The following SGPL1 variants were observed in gnomAD, a reference collection of about 807,000 sequenced individuals.
SGPL1 encodes SP-lyase 1.
In SGPL1, 37 loss-of-function variants were observed where a neutral mutation model predicts 68.9. The observed-to-expected ratio is 0.54, with a 90% confidence interval of 0.41 to 0.71. SGPL1 has a LOEUF of 0.71. SGPL1 is among the 30% of genes least tolerant of loss of function. SGPL1 has a pLI of 0.00. For synonymous variants in SGPL1, 236 were observed against 248.5 expected, an observed-to-expected ratio of 0.95 and a Z score of 0.47; for missense variants, 551 against 704.6, an observed-to-expected ratio of 0.78 and a Z score of 2.47.
At chr10:70,820,212 T>C (rs75984275) in intron 2 of SGPL1, 10,653 of 152,260 alleles carry the variant, frequency 0.07, 488 homozygotes, top group African/African-American at 0.1. Flanking sequence ...AGAGAGTAAC[T>C]ACAGCAGTTG....
At chr10:70,818,760 G>A in intron 2 of SGPL1, among the ~76,000 whole-genome samples, 1 of 152,174 alleles carries the variant, frequency 6.6e-6, no homozygotes, top group South Asian at 2.1e-4. Flanking sequence ...ATCTAAAATA[G>A]TATCTTGCCC....
rs1260819786 is a variant in SGPL1, at chr10:70,871,081, A to G, written c.844A>G (p.Met282Val). Residue 282 changes from methionine (M) to valine (V), a missense_variant, in exon 10 of 15, where the codon ATG becomes GTG. Met to Val is a conservative substitution (Grantham distance 21, BLOSUM62 1). Transcript: ENST00000373202. ...MRRAISRNTA[M>V]LVCSTPQFPH... The stretch of plus-strand genomic sequence containing the variant: ...AAGAGCTATCTCCAGGAACACTGCC[A>G]TGCTCGTCTGTTCTACCCCACAGTT... 1.9e-6 allele frequency: 3 copies of G among 1,614,012 alleles called. No individual in the cohort carries two copies. Among genetic ancestry groups the G allele is most frequent in the Non-Finnish European group, 2.5e-6 (3 of 1,179,868 alleles).
At chr10:70,849,685 G>A (rs1220578046) in intron 3 of SGPL1, among the ~76,000 whole-genome samples, 1 of 152,226 alleles carries the variant, frequency 6.6e-6, no homozygotes, top group South Asian at 2.1e-4. Flanking sequence ...TCCCGTGGTT[G>A]TTGAGTGAAG....
chr10:70,856,460 A>G (rs954526136), intron 5 of SGPL1, among the ~76,000 whole-genome samples: 4 of 152,228 alleles, frequency 2.6e-5, no homozygotes, highest in Non-Finnish European at 5.9e-5. Flanking sequence ...TGCCGCCATC[A>G]TATTGCCTTC....
chr10:70,844,737 T>G (rs1564622830), intron 3 of SGPL1, 99 bp downstream of exon 3: 3 of 1,193,316 alleles, frequency 2.5e-6, no homozygotes, highest in African/African-American at 3.0e-5. Context: ...TTGGTTGTTT[T>G]TTTGTTTGTT....
rs1846415258 is a variant in SGPL1, at chr10:70,877,530, C to CG, written c.*195_*196insG. 2 of 524,930 alleles carry CG rather than the reference C, an allele frequency of 3.8e-6. No individual in the cohort carries two copies. Among genetic ancestry groups the CG allele is most frequent in the African/African-American group, 1.9e-5 (1 of 53,338 alleles). The allele number at this position is 524,930 out of a possible 1,614,324, so 32.5% of individuals were successfully genotyped here. ...TTTGTGGTTTTTAATTTGAAGACCCCAGAGAATTCCATTACATAATGATTT... is the reference window on the plus strand; with the variant it reads ...TTTGTGGTTTTTAATTTGAAGACCCCGAGAGAATTCCATTACATAATGATTT... On this transcript the variant is annotated 3_prime_UTR_variant, in exon 15 of 15. Coordinates refer to ENST00000373202, the MANE Select transcript of SGPL1 (RefSeq NM_003901.4).
intron 8 of SGPL1, 59 bp downstream of exon 8, chr10:70,868,492 A>AGTTTCATAAAGCTG: frequency 1.5e-6 from 2 of 1,339,790 alleles, no homozygotes; most frequent in Non-Finnish European, 2.1e-6. Context: ...GTACAGCTTT[A>AGTTTCATAAAGCTG]TGAAACTAAA....
intron 2 of SGPL1, among the ~76,000 whole-genome samples, chr10:70,835,340 A>G (rs1426082538): frequency 2.0e-5 from 3 of 151,936 alleles, no homozygotes; most frequent in East Asian, 1.9e-4. Context: ...CTTTCCTTCT[A>G]GGACAAATTA....
Position 70,877,615 on chromosome 10 carries a change from C to G in SGPL1, c.*280C>G, listed in dbSNP as rs185095842. On this transcript the variant is annotated 3_prime_UTR_variant, in exon 15 of 15. Coordinates refer to ENST00000373202, the MANE Select transcript of SGPL1 (RefSeq NM_003901.4). Reference sequence around the variant, plus strand: ...TTAACCATTTCCTTTTCTAAACTCTCTAGCTTTCAACTTTACTTAAACATT... The same window carrying G: ...TTAACCATTTCCTTTTCTAAACTCTGTAGCTTTCAACTTTACTTAAACATT... The G allele has an allele frequency of 2.3e-5, 8 of 352,428 alleles. No homozygotes were observed. The Admixed American group carries it at 3.1e-4, about 14-fold the overall frequency. The allele number at this position is 352,428 out of a possible 1,614,324, so 21.8% of individuals were successfully genotyped here.
At chr10:70,838,423 G>A (rs867028642) in intron 2 of SGPL1, among the ~76,000 whole-genome samples, 3 of 152,270 alleles carry the variant, frequency 2.0e-5, no homozygotes, top group Middle Eastern at 3.4e-3. Context: ...GTGATTTGGA[G>A]ATTAAAAGAG....
chr10:70,836,354 G>A (rs1175120218), intron 2 of SGPL1, among the ~76,000 whole-genome samples: 1 of 152,132 alleles, frequency 6.6e-6, no homozygotes, highest in Non-Finnish European at 1.5e-5. Flanking sequence ...CAGAGCGATG[G>A]TTCCAATATC....
intron 2 of SGPL1, among the ~76,000 whole-genome samples, chr10:70,842,998 G>A (rs1388837644): frequency 1.3e-5 from 2 of 151,452 alleles, no homozygotes; most frequent in African/African-American, 4.8e-5. Context: ...TTGCCACATA[G>A]AACTTTTGCC....
chr10:70,869,715 A>C, intron 8 of SGPL1, 77 bp from the exon 9 acceptor site: 5 of 1,015,588 alleles, frequency 4.9e-6, no homozygotes, highest in Non-Finnish European at 7.4e-6. Context: ...TACTCCCGGT[A>C]ATTTAGATTA....
At chr10:70,831,184 T>G (rs75676922) in intron 2 of SGPL1, among the ~76,000 whole-genome samples, 1,739 of 152,296 alleles carry the variant, frequency 0.011, 26 homozygotes, top group African/African-American at 0.039. Flanking sequence ...TGCATAATTT[T>G]TCATTGGAAG....
intron 2 of SGPL1, among the ~76,000 whole-genome samples, chr10:70,843,259 G>C (rs996232996): frequency 4.0e-5 from 6 of 149,918 alleles, no homozygotes; most frequent in Non-Finnish European, 8.9e-5. Flanking sequence ...GTATGTGCCT[G>C]TGTGTGTGTG....
intron 12 of SGPL1, among the ~76,000 whole-genome samples, chr10:70,874,096 T>C (rs1846344112): frequency 6.6e-6 from 1 of 152,160 alleles, no homozygotes; most frequent in Non-Finnish European, 1.5e-5. Flanking sequence ...TAATTGGAAA[T>C]GGGCCAGAAG....
At chr10:70,818,390 G>A (rs1845277973) in intron 2 of SGPL1, among the ~76,000 whole-genome samples, 1 of 152,160 alleles carries the variant, frequency 6.6e-6, no homozygotes, top group Non-Finnish European at 1.5e-5. Context: ...AAAGTGCTGG[G>A]ATTACTTACA....
chr10:70,854,667 A>G (rs944129554), intron 4 of SGPL1, 41 bp from the exon 5 acceptor site: 1 of 1,578,182 alleles, frequency 6.3e-7, no homozygotes, highest in Non-Finnish European at 8.6e-7. Context: ...TCTCTACTGT[A>G]CTCTTGCATC....
chr10:70,819,031 T>TA (rs1235934361), intron 2 of SGPL1, among the ~76,000 whole-genome samples: 2 of 152,216 alleles, frequency 1.3e-5, no homozygotes, highest in Non-Finnish European at 2.9e-5. Flanking sequence ...TTTATCCTCT[T>TA]ACAGAAGGAT....
Sources: gnomAD v4.1 joint callset for allele counts (sites outside exome capture counted in the v4.1 genomes callset) on GRCh38, gnomAD v4.1.1 for gene constraint, MANE v1.5 for transcripts, NCBI Gene and HGNC (gene_info 2026-07-23, HGNC 2026-07-21) for gene names.